Variants in QRICH2 observed in about 807,000 individuals in gnomAD.
QRICH2 encodes the protein glutamine rich 2.
QRICH2 carries 119 observed loss-of-function variants against 168.3 expected under a neutral mutation model. That is an observed-to-expected ratio of 0.71 (90% CI 0.61 to 0.82). The LOEUF (loss-of-function observed/expected upper bound fraction) is 0.82, where lower values mean the gene tolerates loss of function less well. QRICH2 is among the 40% of genes least tolerant of loss of function. QRICH2 has a pLI of 0.00. For missense variants in QRICH2, 2,241 were observed against 2,491.6 expected, an observed-to-expected ratio of 0.90 and a Z score of 2.14; for synonymous variants, 894 against 951.2, an observed-to-expected ratio of 0.94 and a Z score of 1.11.
chr17:76,281,869 T>G lies in QRICH2; in HGVS notation c.4258A>C (p.Arg1420=). The G allele has an allele frequency of 6.2e-7, 1 of 1,613,076 alleles. No individual in the cohort carries two copies. Among genetic ancestry groups the G allele is most frequent in the Non-Finnish European group, 8.5e-7 (1 of 1,179,644 alleles). ...SRPSKKAKLQ[R]QDEELLGRVQ... ...GGAGGCGAGCAGAGCCCCACCTGTCTCTGGAGCTTGGCCTTCTTGGAGGGT... is the reference window on the plus strand; with the variant it reads ...GGAGGCGAGCAGAGCCCCACCTGTCGCTGGAGCTTGGCCTTCTTGGAGGGT... The change falls in exon 8 of 19, where the codon AGA becomes CGA. Residue 1420 remains arginine, a synonymous_variant. Transcript: ENST00000680821. The surrounding 1 kb of genome is among the most constrained non-coding windows in gnomAD (Gnocchi z 4.4).
rs758255419 is a variant in QRICH2, at chr17:76,293,003, C to G, written c.1724G>C (p.Arg575Thr). ...TEQHDLIQSG[R>T]FQRALVQRGA... is the part of the protein sequence containing the mutation. The stretch of plus-strand genomic sequence containing the variant: ...ACGCTGCACCAAAGCACGCTGAAAT[C>G]TGCCAGACTGGATCAAATCATGCTG... The change falls in exon 4 of 19, where the codon AGA becomes ACA. Residue 575 changes from arginine (R) to threonine (T), a missense_variant. Around this residue, in one of 3 missense-constraint regions of QRICH2, gnomAD observed 2,047 missense variants for 2,303.8 expected, o/e 0.89. Transcript: ENST00000680821. The G allele has an allele frequency of 5.0e-6, 8 of 1,614,222 alleles. No homozygotes were observed. In the Middle Eastern group the frequency reaches 4.9e-4, roughly 100 times the overall value.
intron 18 of QRICH2, 147 bp downstream of exon 18, chr17:76,275,672 G>A (rs865873095): frequency 9.1e-6 from 9 of 984,496 alleles, no homozygotes; most frequent in South Asian, 6.8e-5. Context: ...TCAGTCACTC[G>A]GGGTTCCTCT....
chr17:76,276,536 G>C lies in QRICH2; in HGVS notation c.5353+144C>G, dbSNP rs543861917. ...GTGAACATTTACTTGGTGGCTTTTCGAGAGACCTGCACATTTGGAGTGAGG... is the reference window on the plus strand; with the variant it reads ...GTGAACATTTACTTGGTGGCTTTTCCAGAGACCTGCACATTTGGAGTGAGG... On this transcript the variant is annotated intron_variant, in intron 17 of 18. Coordinates refer to ENST00000680821, the MANE Select transcript of QRICH2 (RefSeq NM_001388453.1). 19 of 617,924 alleles carry C rather than the reference G, an allele frequency of 3.1e-5. No individual in the cohort carries two copies. The South Asian group carries it at 3.4e-4, about 11-fold the overall frequency. The allele number at this position is 617,924 out of a possible 1,614,324, so 38.3% of individuals were successfully genotyped here.
At chr17:76,309,148 A>G (rs1423393068), upstream of QRICH2, among the ~76,000 whole-genome samples, 1 of 147,826 alleles carries the variant, frequency 6.8e-6, no homozygotes, top group Non-Finnish European at 1.5e-5. Flanking sequence ...ACCTGAGGTA[A>G]GGGGTTCAAG....
At chr17:76,294,522 A>G (rs2070762232) in intron 3 of QRICH2, among the ~76,000 whole-genome samples, 1 of 152,048 alleles carries the variant, frequency 6.6e-6, no homozygotes, top group South Asian at 2.1e-4. Flanking sequence ...AAAAATATGT[A>G]ATTTTTGTGG....
Position 76,281,415 on chromosome 17 carries a change from G to C in QRICH2, c.4263+449C>G, listed in dbSNP as rs920109542. ...GGGCTTTATTCTCCCCTCCTCTCCTGGCCCAAATCTGAGTTCCTCAGCCCA... is the reference window on the plus strand; with the variant it reads ...GGGCTTTATTCTCCCCTCCTCTCCTCGCCCAAATCTGAGTTCCTCAGCCCA... On this transcript the variant is annotated intron_variant, in intron 8 of 18. Coordinates refer to ENST00000680821, the MANE Select transcript of QRICH2 (RefSeq NM_001388453.1). The surrounding 1 kb of genome is among the most constrained non-coding windows in gnomAD (Gnocchi z 4.4). Among the ~76,000 whole-genome samples, 1 of 152,102 alleles carries C rather than the reference G, an allele frequency of 6.6e-6. No individual in the cohort carries two copies. The highest frequency in any genetic ancestry group is 1.5e-5 in the Non-Finnish European group (1 of 68,014).
At chr17:76,284,820 GAA>G (rs1182898484) in intron 7 of QRICH2, among the ~76,000 whole-genome samples, 1 of 118,810 alleles carries the variant, frequency 8.4e-6, no homozygotes, top group Non-Finnish European at 1.8e-5. Flanking sequence ...CCGTCTCAAA[GAA>G]AAAAAAAAAA....
Position 76,274,273 on chromosome 17 carries a change from G to A in QRICH2, c.5483-13C>T. On this transcript the variant is annotated splice_polypyrimidine_tract_variant and intron_variant, in intron 18 of 18. Transcript: ENST00000680821. The stretch of plus-strand genomic sequence containing the variant: ...TGACGAGAAGAAACTGTAAGACAGG[G>A]GTGCTGAGGTTGCTCAACACATTCC... 11 of 1,572,466 alleles carry A rather than the reference G, an allele frequency of 7.0e-6. No individual in the cohort carries two copies. Among genetic ancestry groups the A allele is most frequent in the Non-Finnish European group, 9.4e-6 (11 of 1,166,312 alleles).
chr17:76,305,627 C>A lies in QRICH2; in HGVS notation c.535-686G>T, dbSNP rs1212128715. ...GTCCTGGGATTCAGTTTGCTCCAAC[C>A]CACTTGTGAAAGCCTGTAGGATGAG... On this transcript the variant is annotated intron_variant, in intron 1 of 18. Coordinates refer to ENST00000680821, the MANE Select transcript of QRICH2 (RefSeq NM_001388453.1). 3.3e-5 allele frequency among the ~76,000 whole-genome samples: 5 copies of A among 152,080 alleles called. No individual in the cohort carries two copies. The East Asian group carries it at 9.7e-4, about 29-fold the overall frequency.
upstream of QRICH2, among the ~76,000 whole-genome samples, chr17:76,309,321 A>G (rs1256537011): frequency 6.8e-6 from 1 of 147,244 alleles, no homozygotes; most frequent in Admixed American, 6.8e-5. Flanking sequence ...GCACCACTGC[A>G]CCCCAGCCTG....
intron 3 of QRICH2, among the ~76,000 whole-genome samples, chr17:76,298,782 A>G (rs2070847873): frequency 6.6e-6 from 1 of 151,774 alleles, no homozygotes; most frequent in Admixed American, 6.6e-5. Context: ...CGCCCGGCTA[A>G]TTTTTATATT....
rs371632667 is a variant in QRICH2, at chr17:76,280,109, G to A, written c.4672C>T (p.Arg1558Trp). Residue 1558 changes from arginine to tryptophan, a missense_variant, in exon 12 of 19, where the codon CGG becomes TGG. Arg to Trp is a moderately radical substitution (Grantham distance 101, BLOSUM62 -3). Transcript: ENST00000680821. This position sits in a 1 kb window ranked among gnomAD's most constrained non-coding sequence, Gnocchi z 7.4. ...LDPVKQLLED[R>W]WKSLRQQLRE... is the part of the protein sequence containing the mutation. Reference sequence around the variant, plus strand: ...AGCTGCTGTCGCAGCGATTTCCACCGATCCTCCAGCAACTGCTTCACTGGG... The same window carrying A: ...AGCTGCTGTCGCAGCGATTTCCACCAATCCTCCAGCAACTGCTTCACTGGG... 8.7e-6 allele frequency: 14 copies of A among 1,613,682 alleles called. No individual in the cohort carries two copies. Among genetic ancestry groups the A allele is most frequent in the South Asian group, 7.7e-5 (7 of 91,096 alleles).
At chr17:76,275,735 A>C in intron 18 of QRICH2, 84 bp downstream of exon 18, 4 of 1,515,144 alleles carry the variant, frequency 2.6e-6, no homozygotes, top group Non-Finnish European at 2.7e-6. Flanking sequence ...CTCCGGGGAG[A>C]TAAAGGCCCT....
rs2070961128 is a variant in QRICH2, at chr17:76,304,650, CA to C, written c.595-126del. Reference sequence around the variant, plus strand: ...AGCCCCAGCCCCAGGGAGAATTCATCACCCTTCAAGTGACCAGTGAAGGTTG... The same window carrying C: ...AGCCCCAGCCCCAGGGAGAATTCATCCCCTTCAAGTGACCAGTGAAGGTTG... On this transcript the variant is annotated intron_variant, in intron 2 of 18. Coordinates refer to ENST00000680821, the MANE Select transcript of QRICH2 (RefSeq NM_001388453.1). The C allele has an allele frequency of 6.6e-6, 5 of 753,284 alleles. No individual in the cohort carries two copies. In the South Asian group the frequency reaches 7.9e-5, roughly 12 times the overall value. The allele number at this position is 753,284 out of a possible 1,614,324, so 46.7% of individuals were successfully genotyped here.
At chr17:76,287,734 C>T in intron 6 of QRICH2, 66 bp downstream of exon 6, 1 of 1,230,032 alleles carries the variant, frequency 8.1e-7, no homozygotes, top group South Asian at 1.2e-5. Context: ...CACTGGCCGC[C>T]ATCACCTCCT....
At chr17:76,305,218 C>T (rs924254027) in intron 1 of QRICH2, among the ~76,000 whole-genome samples, 4 of 146,486 alleles carry the variant, frequency 2.7e-5, no homozygotes, top group Non-Finnish European at 5.9e-5. Flanking sequence ...AGCTGCAGTG[C>T]AGTGATGCCA....
chr17:76,283,116 T>C (rs970631441), intron 7 of QRICH2, among the ~76,000 whole-genome samples: 15 of 152,108 alleles, frequency 9.9e-5, no homozygotes, highest in Non-Finnish European at 1.5e-5. Context: ...TTGCCTGGGC[T>C]CACAGAGATG....
chr17:76,303,789 C>T (rs946119745), intron 3 of QRICH2, among the ~76,000 whole-genome samples: 2 of 146,962 alleles, frequency 1.4e-5, no homozygotes, highest in Admixed American at 1.4e-4. Flanking sequence ...AGGAGAATGG[C>T]GTGAACCCGG....
intron 7 of QRICH2, among the ~76,000 whole-genome samples, chr17:76,286,508 G>C (rs2070887207): frequency 6.6e-6 from 1 of 152,178 alleles, no homozygotes; most frequent in Non-Finnish European, 1.5e-5. Flanking sequence ...AAGGGAACAG[G>C]GAGAGACTGC....
Sources: allele counts gnomAD v4.1 joint callset (sites outside exome capture counted in the v4.1 genomes callset), GRCh38; gene constraint gnomAD v4.1.1; regional missense constraint gnomAD v4.1.1; non-coding constraint Gnocchi (gnomAD v3.1); transcripts MANE v1.5; gene names NCBI Gene and HGNC (gene_info 2026-07-23, HGNC 2026-07-21).